The following OTUD3 variants were observed in gnomAD, a reference collection of about 807,000 sequenced individuals.
OTUD3 encodes OTU deubiquitinase 3.
OTUD3 carries 24 observed loss-of-function variants against 46.2 expected under a neutral mutation model. That is an observed-to-expected ratio of 0.52 (90% CI 0.38 to 0.73). The LOEUF is 0.73. Among genes scored for constraint, OTUD3 ranks in the 30% least tolerant of loss-of-function variants. The pLI is 0.00. For missense variants in OTUD3, 455 were observed against 523.3 expected (o/e 0.87, Z 1.27); for synonymous variants, 189 against 195.4 (o/e 0.97, Z 0.27).
At chr1:19,888,677 C>G (rs1478690632) in intron 1 of OTUD3, among the ~76,000 whole-genome samples, 1 of 152,144 alleles carries the variant, frequency 6.6e-6, no homozygotes, top group Non-Finnish European at 1.5e-5. Context: ...GGCAGGTTTC[C>G]CCTGAGGGAT....
rs1015670245 is a variant in OTUD3, at chr1:19,908,540, C to T, written c.*794C>T. On this transcript the variant is annotated 3_prime_UTR_variant, in exon 8 of 8. Transcript: ENST00000375120. Reference sequence around the variant, plus strand: ...GCATGTTACTGCTTGTGATACAGTTCTGGAATTCTGATAGTGTGTAGAGCA... The same window carrying T: ...GCATGTTACTGCTTGTGATACAGTTTTGGAATTCTGATAGTGTGTAGAGCA... The T allele has an allele frequency of 6.6e-6, 1 of 152,298 alleles. No individual in the cohort carries two copies. The highest frequency in any genetic ancestry group is 6.5e-5 in the Admixed American group (1 of 15,278). 9.4% of individuals were successfully genotyped at this position (152,298 alleles called of 1,614,324 possible).
At chr1:19,905,255 G>T (rs2045643371) in intron 6 of OTUD3, among the ~76,000 whole-genome samples, 1 of 152,106 alleles carries the variant, frequency 6.6e-6, no homozygotes, top group Non-Finnish European at 1.5e-5. Flanking sequence ...GGTGCTGGGG[G>T]ACGCATCAGG....
intron 6 of OTUD3, among the ~76,000 whole-genome samples, chr1:19,905,569 C>T (rs904967808): frequency 3.3e-5 from 5 of 151,422 alleles, no homozygotes; most frequent in African/African-American, 1.2e-4. Flanking sequence ...GGTGAAACCC[C>T]GTCTCTACTA....
intron 1 of OTUD3, among the ~76,000 whole-genome samples, chr1:19,888,892 C>T (rs67232356): frequency 0.076 from 11,569 of 152,212 alleles, 598 homozygotes; most frequent in African/African-American, 0.15. Flanking sequence ...ATATACAGTT[C>T]TACACCTACT....
chr1:19,896,111 C>T (rs1033913484), intron 3 of OTUD3, among the ~76,000 whole-genome samples: 9 of 152,092 alleles, frequency 5.9e-5, no homozygotes, highest in African/African-American at 1.9e-4. Flanking sequence ...AGTGAAGCAT[C>T]TTATAAAATT....
chr1:19,897,879 T>G, intron 4 of OTUD3: 1 of 440,090 alleles, frequency 2.3e-6, no homozygotes, highest in Non-Finnish European at 4.0e-6. Flanking sequence ...AGTTGATAGT[T>G]ACAATTGTAT....
Position 19,907,605 on chromosome 1 carries a change from G to A in OTUD3, c.1056G>A (p.Met352Ile). 1 of 1,614,156 alleles carries A rather than the reference G, an allele frequency of 6.2e-7. No individual in the cohort carries two copies. The highest frequency in any genetic ancestry group is 1.7e-5 in the Admixed American group (1 of 60,022). ...AACAGAGGCGAGAACAGCAGTGGAT[G>A]GAGAAGAAGAAGCGGCAGGAGGAGA... ...TNKQRREQQW[M>I]EKKKRQEERH... Residue 352 changes from methionine (M) to isoleucine (I), a missense_variant, in exon 8 of 8, where the codon ATG becomes ATA. Physicochemically the swap from Met to Ile is conservative, Grantham distance 10 (BLOSUM62 1). Coordinates refer to ENST00000375120, the MANE Select transcript of OTUD3 (RefSeq NM_015207.2).
chr1:19,902,118 ACTTG>A (rs1314288834), intron 4 of OTUD3, among the ~76,000 whole-genome samples: 1 of 152,198 alleles, frequency 6.6e-6, no homozygotes, highest in African/African-American at 2.4e-5. Flanking sequence ...GCACTGTTTT[ACTTG>A]CCACCGGTAA....
In OTUD3 at chr1:19,897,568, G is replaced by A. The variant is rs544797762; in HGVS notation, c.512G>A (p.Arg171Lys). The A allele has an allele frequency of 1.9e-6, 3 of 1,614,038 alleles. No individual in the cohort carries two copies. The highest frequency in any genetic ancestry group is 3.3e-5 in the Admixed American group (2 of 60,000). ...CGTGGTACAGAGAAAAGCAGCGTGAGGGAGTTACACATCGCATATCGGTAT... is the reference window on the plus strand; with the variant it reads ...CGTGGTACAGAGAAAAGCAGCGTGAAGGAGTTACACATCGCATATCGGTAT... ...QIRGTEKSSV[R>K]ELHIAYRYGE... The change falls in exon 4 of 8, where the codon AGG (arginine) becomes AAG (lysine). Residue 171 changes from arginine to lysine, a missense_variant. Arg to Lys is a conservative substitution (Grantham distance 26). Transcript: ENST00000375120.
chr1:19,896,783 G>A (rs900962456), intron 3 of OTUD3, among the ~76,000 whole-genome samples: 3 of 152,152 alleles, frequency 2.0e-5, no homozygotes, highest in African/African-American at 7.2e-5. Context: ...TTTGGGGTAC[G>A]CCCAGACCTT....
At chr1:19,898,499 C>T (rs981054089) in intron 4 of OTUD3, among the ~76,000 whole-genome samples, 14 of 151,744 alleles carry the variant, frequency 9.2e-5, no homozygotes, top group East Asian at 7.9e-4. Flanking sequence ...GAGGCCGAGG[C>T]GGGCGGATCA....
At chr1:19,893,523 C>G (rs958209286) in intron 2 of OTUD3, among the ~76,000 whole-genome samples, 1 of 152,084 alleles carries the variant, frequency 6.6e-6, no homozygotes, top group African/African-American at 2.4e-5. Flanking sequence ...CTTTGGTGTC[C>G]AGAGGTTTTT....
At chr1:19,887,790 G>A (rs1265734305) in intron 1 of OTUD3, among the ~76,000 whole-genome samples, 3 of 151,970 alleles carry the variant, frequency 2.0e-5, no homozygotes, top group Non-Finnish European at 2.9e-5. Flanking sequence ...ATCTGAATAC[G>A]TCTCTCTTAA....
At chr1:19,905,395 G>T (rs2045645826) in intron 6 of OTUD3, among the ~76,000 whole-genome samples, 1 of 148,912 alleles carries the variant, frequency 6.7e-6, no homozygotes, top group Admixed American at 6.8e-5. Flanking sequence ...TGATAATTTT[G>T]ATTTTTTTTT....
intron 4 of OTUD3, among the ~76,000 whole-genome samples, chr1:19,898,148 A>G (rs1464937943): frequency 6.6e-6 from 1 of 151,802 alleles, no homozygotes. Flanking sequence ...GGGTTTCTCC[A>G]TGTTGGTCAT....
In OTUD3 at chr1:19,907,841, C is replaced by G. The variant is rs1269769071; in HGVS notation, c.*95C>G. On this transcript the variant is annotated 3_prime_UTR_variant, in exon 8 of 8. Coordinates refer to ENST00000375120, the MANE Select transcript of OTUD3 (RefSeq NM_015207.2). ...GGCCGTCCTTTTATAAAACGCAACA[C>G]AACCAACGAAGCCCACACATGAGCT... The G allele has an allele frequency of 8.5e-7, 1 of 1,181,218 alleles. No homozygotes were observed. Among genetic ancestry groups the G allele is most frequent in the Non-Finnish European group, 1.2e-6 (1 of 833,816 alleles). The allele number at this position is 1,181,218 out of a possible 1,614,324, so 73.2% of individuals were successfully genotyped here.
intron 4 of OTUD3, among the ~76,000 whole-genome samples, chr1:19,900,490 C>T (rs146541270): frequency 2.6e-4 from 39 of 152,072 alleles, no homozygotes; most frequent in African/African-American, 7.7e-4. Flanking sequence ...GCACCCAGCT[C>T]ATAGTTTGAC....
rs552879370 is a variant in OTUD3, at chr1:19,912,517, A to G, written c.*4771A>G. ...CCCTTTCCCATGTAGAAGTGTTGGC[A>G]TGCGTCAGTCTCCTTTACAGAGGGG... On this transcript the variant is annotated 3_prime_UTR_variant, in exon 8 of 8. Coordinates refer to ENST00000375120, the MANE Select transcript of OTUD3 (RefSeq NM_015207.2). 11 of 153,082 alleles carry G rather than the reference A, an allele frequency of 7.2e-5. No homozygotes were observed. The highest frequency in any genetic ancestry group is 2.6e-4 in the African/African-American group (11 of 41,572). 9.5% of individuals were successfully genotyped at this position (153,082 alleles called of 1,614,324 possible). A position where few individuals can be genotyped will look rare whatever the true frequency, so the allele number is the denominator to read the frequency against.
At chr1:19,886,678 G>C (rs576267360) in intron 1 of OTUD3, among the ~76,000 whole-genome samples, 1 of 152,194 alleles carries the variant, frequency 6.6e-6, no homozygotes, top group Non-Finnish European at 1.5e-5. Flanking sequence ...TTAGAGTCTA[G>C]ATGCTCAACT....
Sources: allele counts gnomAD v4.1 joint callset (sites outside exome capture counted in the v4.1 genomes callset), GRCh38; gene constraint gnomAD v4.1.1; transcripts MANE v1.5; gene names NCBI Gene and HGNC (gene_info 2026-07-23, HGNC 2026-07-21).